The following ARFGEF3 variants were observed in gnomAD, a reference collection of about 807,000 sequenced individuals.
The protein encoded by ARFGEF3 is brefeldin A-inhibited guanine nucleotide-exchange protein 3.
ARFGEF3 carries 96 observed loss-of-function variants against 221.7 expected under a neutral mutation model. The observed-to-expected ratio is 0.43, with a 90% CI of 0.37 to 0.51. The LOEUF is 0.51. ARFGEF3 is among the 20% of genes least tolerant of loss of function. ARFGEF3 has a pLI of 0.00. For synonymous variants in ARFGEF3, 1,145 were observed against 1,126.8 expected (o/e 1.02, Z -0.32); for missense variants, 2,410 against 2,789.9 (o/e 0.86, Z 3.07).
intron 32 of ARFGEF3, among the ~76,000 whole-genome samples, chr6:138,332,323 C>T (rs1471438780): frequency 1.8e-5 from 2 of 109,892 alleles, no homozygotes; most frequent in Non-Finnish European, 3.3e-5. Flanking sequence ...CTGAATGCTA[C>T]TCTCACCATT....
At chr6:138,166,633 G>A (rs944517774) in intron 1 of ARFGEF3, among the ~76,000 whole-genome samples, 2 of 152,226 alleles carry the variant, frequency 1.3e-5, no homozygotes, top group Admixed American at 6.5e-5. Context: ...GGGAAAGGCA[G>A]AAAGAACTTC....
At chr6:138,280,970 C>T (rs1450411112) in intron 14 of ARFGEF3, among the ~76,000 whole-genome samples, 3 of 152,082 alleles carry the variant, frequency 2.0e-5, no homozygotes, top group Admixed American at 6.6e-5. Context: ...CTTCAGTGTC[C>T]AGAGCTTTTA....
chr6:138,262,187 C>CTT (rs11393341), intron 11 of ARFGEF3, among the ~76,000 whole-genome samples: 2,497 of 127,846 alleles, frequency 0.02, 65 homozygotes, highest in Middle Eastern at 0.037. Flanking sequence ...ATGCAGACCA[C>CTT]TTTTTTTTTT....
chr6:138,330,959 G>A (rs929583209), intron 32 of ARFGEF3, among the ~76,000 whole-genome samples: 3 of 152,174 alleles, frequency 2.0e-5, no homozygotes, highest in Non-Finnish European at 4.4e-5. Context: ...ACCAAAGATT[G>A]TGCAATCCTT....
intron 2 of ARFGEF3, among the ~76,000 whole-genome samples, chr6:138,172,871 GATAA>G (rs1776867092): frequency 6.6e-6 from 1 of 152,070 alleles, no homozygotes; most frequent in Admixed American, 6.5e-5. Flanking sequence ...TTGACATTTT[GATAA>G]ATAATTATTA....
rs748620922 is a variant in ARFGEF3 at position 138,263,557 on chromosome 6, A to G, written c.2074A>G (p.Asn692Asp). 6.2e-7 allele frequency: 1 copy of G among 1,612,466 alleles called. No individual in the cohort carries two copies. Among genetic ancestry groups the G allele is most frequent in the Non-Finnish European group, 8.5e-7 (1 of 1,179,678 alleles). ...GLLPRLLSLS[N>D]VEEVDTALQN... ...CCTCCCTCGGCTCCTGTCTCTCTCC[A>G]ATGTAGAGGAGGTGGACACCGCTCT... Residue 692 changes from asparagine (N) to aspartate (D), a missense_variant, in exon 12 of 34, where the codon AAT (asparagine) becomes GAT (aspartate). Around this residue, in one of 5 missense-constraint regions of ARFGEF3, gnomAD observed 594 missense variants for 734.3 expected, o/e 0.81. Coordinates refer to ENST00000251691, the MANE Select transcript of ARFGEF3 (RefSeq NM_020340.5).
At chr6:138,276,279 A>C (rs1471868251) in intron 12 of ARFGEF3, among the ~76,000 whole-genome samples, 1 of 152,246 alleles carries the variant, frequency 6.6e-6, no homozygotes, top group Non-Finnish European at 1.5e-5. Flanking sequence ...GCCTGTCTGC[A>C]GATGGCCTTA....
At chr6:138,236,801 A>T (rs927846997) in intron 5 of ARFGEF3, among the ~76,000 whole-genome samples, 1 of 152,210 alleles carries the variant, frequency 6.6e-6, no homozygotes, top group Non-Finnish European at 1.5e-5. Context: ...GCATGCATAA[A>T]TTATTGTATC....
intron 2 of ARFGEF3, 43 bp from the exon 3 acceptor site, chr6:138,206,999 C>G (rs1317125480): frequency 1.3e-6 from 2 of 1,524,742 alleles, no homozygotes; most frequent in Non-Finnish European, 1.8e-6. Flanking sequence ...TGACTGCCAG[C>G]TTTACTGAGC....
intron 12 of ARFGEF3, among the ~76,000 whole-genome samples, chr6:138,272,213 T>C (rs574541219): frequency 2.6e-5 from 4 of 152,254 alleles, no homozygotes; most frequent in African/African-American, 9.6e-5. Flanking sequence ...TGGAGTGCAG[T>C]GGCACGATCT....
intron 20 of ARFGEF3, among the ~76,000 whole-genome samples, chr6:138,295,627 CAA>C (rs34138067): frequency 2.4e-5 from 3 of 125,994 alleles, no homozygotes; most frequent in Admixed American, 8.1e-5. Flanking sequence ...GAGACTCCCT[CAA>C]AAAAAAAAAA....
chr6:138,253,010 C>CTGA (rs1247622824), intron 8 of ARFGEF3, among the ~76,000 whole-genome samples: 9 of 152,060 alleles, frequency 5.9e-5, no homozygotes, highest in African/African-American at 1.9e-4. Flanking sequence ...AACTTGGACA[C>CTGA]AAAATAATTT....
rs1357593614 is a variant in ARFGEF3 at position 138,339,178 on chromosome 6, G to A, written c.*2692G>A. 6.6e-6 allele frequency: 1 copy of A among 152,338 alleles called. No homozygotes were observed. The highest frequency in any genetic ancestry group is 1.9e-4 in the East Asian group (1 of 5,178). 9.4% of individuals were successfully genotyped at this position (152,338 alleles called of 1,614,324 possible). A position where few individuals can be genotyped will look rare whatever the true frequency, so the allele number is the denominator to read the frequency against. On this transcript the variant is annotated 3_prime_UTR_variant, in exon 34 of 34. Transcript: ENST00000251691. ...AGAGGTATTTGCAGCTTGATGCAAA[G>A]TAGTCTCTAATGAGTAGGCATTCAG...
intron 24 of ARFGEF3, 85 bp downstream of exon 24, chr6:138,308,946 C>T (rs1779776607): frequency 6.6e-7 from 1 of 1,519,986 alleles, no homozygotes; most frequent in African/African-American, 1.4e-5. Flanking sequence ...GGCCTACTGA[C>T]TGTCTGGAAC....
chr6:138,243,024 T>G, intron 7 of ARFGEF3, 30 bp downstream of exon 7: 1 of 1,589,466 alleles, frequency 6.3e-7, no homozygotes, highest in Non-Finnish European at 8.6e-7. Flanking sequence ...CTAGTTCAGT[T>G]TTTAAAGCAG....
chr6:138,192,024 C>T (rs77025401), intron 2 of ARFGEF3, among the ~76,000 whole-genome samples: 2,068 of 152,266 alleles, frequency 0.014, 32 homozygotes, highest in Middle Eastern at 0.058. Flanking sequence ...GTCGGTGCTA[C>T]GCTGAGTCCT....
At chr6:138,241,519 A>C (rs1778392846) in intron 6 of ARFGEF3, among the ~76,000 whole-genome samples, 1 of 152,132 alleles carries the variant, frequency 6.6e-6, no homozygotes, top group South Asian at 2.1e-4. Context: ...ACCTCCTGAA[A>C]GCCTCTTCAG....
At chr6:138,169,788 T>C (rs6570214) in intron 1 of ARFGEF3, among the ~76,000 whole-genome samples, 15,776 of 152,282 alleles carry the variant, frequency 0.1, 1,548 homozygotes, top group African/African-American at 0.27. Flanking sequence ...CCACTGGCCA[T>C]ATCAAGCCCA....
intron 2 of ARFGEF3, among the ~76,000 whole-genome samples, chr6:138,194,919 T>C (rs1312673510): frequency 6.8e-6 from 1 of 147,612 alleles, no homozygotes; most frequent in Admixed American, 6.8e-5. Flanking sequence ...GTTCAGGCCA[T>C]AAAGCTTTGA....
Sources: gnomAD v4.1 joint callset for allele counts (sites outside exome capture counted in the v4.1 genomes callset) on GRCh38, gnomAD v4.1.1 for gene constraint, gnomAD v4.1.1 regional missense constraint, MANE v1.5 for transcripts, NCBI Gene and HGNC (gene_info 2026-07-23, HGNC 2026-07-21) for gene names.